The following SMAD7 variants were observed in gnomAD, a reference collection of about 807,000 sequenced individuals.
The protein encoded by SMAD7 is SMAD family member 7.
A neutral mutation model predicts 38.7 loss-of-function variants in SMAD7; 8 were observed. The observed-to-expected ratio is 0.21, with a 90% CI of 0.12 to 0.37. The LOEUF is 0.37. SMAD7 is among the 10% of genes least tolerant of loss of function. The pLI, the probability that SMAD7 is intolerant of heterozygous loss-of-function variation, is 1.00. For missense variants in SMAD7, 477 were observed against 577.9 expected (o/e 0.83, Z 1.79); for synonymous variants, 327 against 265.1 (o/e 1.23, Z -2.27).
At chr18:48,937,181 C>T (rs1171894993) in intron 3 of SMAD7, among the ~76,000 whole-genome samples, 1 of 151,996 alleles carries the variant, frequency 6.6e-6, no homozygotes, top group African/African-American at 2.4e-5. Context: ...CTTTTCACTG[C>T]TCCACCGGCT....
chr18:48,926,786 A>T (rs11874392), intron 3 of SMAD7, among the ~76,000 whole-genome samples: 76,646 of 152,016 alleles, frequency 0.5, 19,530 homozygotes, highest in South Asian at 0.69. Context: ...TCCCTCCACA[A>T]CGGACATCTC....
At chr18:48,929,850 C>T (rs2069975564) in intron 3 of SMAD7, among the ~76,000 whole-genome samples, 1 of 151,976 alleles carries the variant, frequency 6.6e-6, no homozygotes, top group Non-Finnish European at 1.5e-5. Context: ...CCCTATCCCC[C>T]ACAGATCCAA....
intron 1 of SMAD7, 111 bp downstream of exon 1, chr18:48,949,701 G>T (rs944159126): frequency 5.0e-6 from 6 of 1,192,586 alleles, no homozygotes; most frequent in Non-Finnish European, 6.9e-6. Flanking sequence ...CTCCCAGGAG[G>T]GTATGCACAC....
In SMAD7 at chr18:48,939,275, C is replaced by T. The variant is rs921513736; in HGVS notation, c.742+3206G>A. Among the ~76,000 whole-genome samples the T allele has an allele frequency of 6.6e-5, 10 of 152,112 alleles. No individual in the cohort carries two copies. In the East Asian group the frequency reaches 1.4e-3, roughly 21 times the overall value. The stretch of plus-strand genomic sequence containing the variant: ...AGTACAATCTCCTGGAAGCAAGTCA[C>T]TGCCTTCTAAAAATGTCCCATTTTC... On this transcript the variant is annotated intron_variant, in intron 3 of 3. Coordinates refer to ENST00000262158, the MANE Select transcript of SMAD7 (RefSeq NM_005904.4).
In SMAD7 at chr18:48,950,341, T is replaced by C. The variant is rs1423304420; in HGVS notation, c.84A>G (p.Ala28=). Residue 28 remains alanine, a synonymous_variant, in exon 1 of 4, where the codon GCA becomes GCG. Coordinates refer to ENST00000262158, the MANE Select transcript of SMAD7 (RefSeq NM_005904.4). ...GCTCGCCTCCTCCTCCACCTCCCCCTGCGCCCTCCTCCTCGTCCTCGCCGC... is the reference window on the plus strand; with the variant it reads ...GCTCGCCTCCTCCTCCACCTCCCCCCGCGCCCTCCTCCTCGTCCTCGCCGC... ...APGGEDEEEG[A]GGGGGGGELR... The C allele has an allele frequency of 1.3e-6, 2 of 1,541,786 alleles. No homozygotes were observed. Among genetic ancestry groups the C allele is most frequent in the African/African-American group, 1.4e-5 (1 of 71,680 alleles).
Position 48,950,582 on chromosome 18 carries a change from C to G in SMAD7, c.-158G>C, listed in dbSNP as rs1242008104. ...GCAGGAGCGGCGGCGGCCCGAGGGGCGCTCCGTGGCATGCGCCAGTCTCCC... is the reference window on the plus strand; with the variant it reads ...GCAGGAGCGGCGGCGGCCCGAGGGGGGCTCCGTGGCATGCGCCAGTCTCCC... On this transcript the variant is annotated 5_prime_UTR_variant, in exon 1 of 4. Transcript: ENST00000262158. The G allele has an allele frequency of 3.6e-6, 2 of 561,366 alleles. No individual in the cohort carries two copies. The highest frequency in any genetic ancestry group is 5.4e-6 in the Non-Finnish European group (2 of 370,934). 34.8% of individuals were successfully genotyped at this position (561,366 alleles called of 1,614,324 possible).
chr18:48,921,038 T>A lies in SMAD7; in HGVS notation c.*334A>T, dbSNP rs1285897714. On this transcript the variant is annotated 3_prime_UTR_variant, in exon 4 of 4. Coordinates refer to ENST00000262158, the MANE Select transcript of SMAD7 (RefSeq NM_005904.4). The surrounding 1 kb of genome is among the most constrained non-coding windows in gnomAD (Gnocchi z 6.4). ...GCCGCACACTCACACTCACACACAC[T>A]CCTGACAAGTGAAATGATGACCGCC... The A allele has an allele frequency of 8.9e-6, 3 of 335,872 alleles. No homozygotes were observed. The highest frequency in any genetic ancestry group is 6.4e-5 in the African/African-American group (3 of 47,000). 20.8% of individuals were successfully genotyped at this position (335,872 alleles called of 1,614,324 possible).
chr18:48,942,127 A>G (rs1338163298), intron 3 of SMAD7, among the ~76,000 whole-genome samples: 1 of 152,170 alleles, frequency 6.6e-6, no homozygotes, highest in Non-Finnish European at 1.5e-5. Flanking sequence ...GAGCAAAAGC[A>G]AAAAAAGAGC....
chr18:48,948,884 C>T (rs1017485951), intron 1 of SMAD7, among the ~76,000 whole-genome samples: 2 of 152,268 alleles, frequency 1.3e-5, no homozygotes, highest in Non-Finnish European at 2.9e-5. Context: ...CGGGGCTGCC[C>T]ATTCCTAGCG....
chr18:48,948,560 G>A (rs1320107863), intron 1 of SMAD7, 123 bp from the exon 2 acceptor site: 1 of 628,644 alleles, frequency 1.6e-6, no homozygotes, highest in Non-Finnish European at 2.7e-6. Context: ...TGGAGGCAGG[G>A]CCGCGAGGCG....
Position 48,949,993 on chromosome 18 carries a change from C to T in SMAD7, c.432G>A (p.Ala144=), listed in dbSNP as rs775785416. 1.9e-6 allele frequency: 3 copies of T among 1,585,838 alleles called. No individual in the cohort carries two copies. The highest frequency in any genetic ancestry group is 1.7e-6 in the Non-Finnish European group (2 of 1,167,404). The change falls in exon 1 of 4, where the codon GCG becomes GCA. Residue 144 remains alanine (A), a synonymous_variant. Coordinates refer to ENST00000262158, the MANE Select transcript of SMAD7 (RefSeq NM_005904.4). The stretch of plus-strand genomic sequence containing the variant: ...AGGACGAGGGCGGCTGCGCAGGCTG[C>T]GCGCCGGCGGGCGCCCCCGGGCCCA... ...CRLGPGAPAG[A]QPAQPPSSYS... is the part of the protein sequence containing the mutation.
At chr18:48,937,264 A>ATGTGTGTGTGTGTG (rs71165354) in intron 3 of SMAD7, among the ~76,000 whole-genome samples, 2,374 of 119,830 alleles carry the variant, frequency 0.02, 90 homozygotes, top group East Asian at 0.026. Flanking sequence ...AAGTAAAGGC[A>ATGTGTGTGTGTGTG]TGTGTGTGTG....
chr18:48,924,887 C>G (rs1466037667), intron 3 of SMAD7, among the ~76,000 whole-genome samples: 1 of 152,356 alleles, frequency 6.6e-6, no homozygotes, highest in Admixed American at 6.5e-5. Flanking sequence ...TTCTGGGGAC[C>G]CCGCACGACA....
intron 3 of SMAD7, among the ~76,000 whole-genome samples, chr18:48,928,924 G>C: frequency 6.6e-6 from 1 of 152,220 alleles, no homozygotes; most frequent in South Asian, 2.1e-4. Context: ...CGCCAGTCAG[G>C]CTGACGCGGC....
intron 3 of SMAD7, among the ~76,000 whole-genome samples, chr18:48,937,268 G>GTGTGTA (rs1348470129): frequency 7.1e-6 from 1 of 141,236 alleles, no homozygotes; most frequent in Non-Finnish European, 1.6e-5. Flanking sequence ...AAAGGCATGT[G>GTGTGTA]TGTGTGTGTG....
At chr18:48,940,081 G>A (rs964810421) in intron 3 of SMAD7, among the ~76,000 whole-genome samples, 10 of 152,072 alleles carry the variant, frequency 6.6e-5, no homozygotes, top group African/African-American at 2.4e-4. Context: ...TTTTCTCCGT[G>A]CCCATCACCT....
chr18:48,942,623 G>A, intron 2 of SMAD7, 68 bp from the exon 3 acceptor site: 1 of 1,609,212 alleles, frequency 6.2e-7, no homozygotes, highest in Non-Finnish European at 8.5e-7. Context: ...CCATCTTTAA[G>A]CACGCTCTAA....
intron 2 of SMAD7, among the ~76,000 whole-genome samples, chr18:48,947,211 T>G (rs562179575): frequency 2.0e-4 from 31 of 152,322 alleles, no homozygotes; most frequent in African/African-American, 7.0e-4. Flanking sequence ...TGCGGGCCAC[T>G]TATTAGACCG....
chr18:48,944,104 C>A (rs1417458172), intron 2 of SMAD7, among the ~76,000 whole-genome samples: 1 of 152,128 alleles, frequency 6.6e-6, no homozygotes, highest in African/African-American at 2.4e-5. Flanking sequence ...TAGAGGCAGG[C>A]AGGAAATGGA....
Sources: allele counts gnomAD v4.1 joint callset (sites outside exome capture counted in the v4.1 genomes callset), GRCh38; gene constraint gnomAD v4.1.1; non-coding constraint Gnocchi (gnomAD v3.1); transcripts MANE v1.5; gene names NCBI Gene and HGNC (gene_info 2026-07-23, HGNC 2026-07-21).